DYNC2LI1: variants seen among roughly 807,000 people sequenced by gnomAD.
DYNC2LI1 encodes the protein dynein cytoplasmic 2 light intermediate chain 1.
DYNC2LI1 carries 45 observed loss-of-function variants against 51.9 expected under a neutral mutation model. That is an observed-to-expected ratio of 0.87 (90% CI 0.68 to 1.11). DYNC2LI1 has a LOEUF of 1.11. Ranked by LOEUF, DYNC2LI1 falls within the 50% of genes most tolerant of loss-of-function variation. DYNC2LI1 has a pLI of 0.00. For synonymous variants in DYNC2LI1, 130 were observed against 137.8 expected (o/e 0.94, Z 0.40); for missense variants, 490 against 417.4 (o/e 1.17, Z -1.51).
intron 12 of DYNC2LI1, among the ~76,000 whole-genome samples, chr2:43,808,873 G>T (rs1026621699): frequency 1.3e-5 from 2 of 152,054 alleles, no homozygotes; most frequent in African/African-American, 4.8e-5. Context: ...TGCTGAGACA[G>T]AGCAATGGGT....
At chr2:43,782,515 T>G (rs866475245) in intron 2 of DYNC2LI1, among the ~76,000 whole-genome samples, 1 of 151,382 alleles carries the variant, frequency 6.6e-6, no homozygotes, top group Non-Finnish European at 1.5e-5. Context: ...CTGTTTCTCT[T>G]TTATCTGTTT....
At chr2:43,826,667 A>G in the DYNC2LI1 span, 2 of 1,293,090 alleles carry the variant, frequency 1.5e-6, no homozygotes, top group South Asian at 1.2e-5. Context: ...ACTGGCTTTC[A>G]GCCTGAGCTC....
At chr2:43,776,945 T>C in intron 2 of DYNC2LI1, 46 bp downstream of exon 2, 1 of 987,790 alleles carries the variant, frequency 1.0e-6, no homozygotes, top group Non-Finnish European at 1.6e-6. Flanking sequence ...TAACAACCAT[T>C]GGTAAAATAT....
intron 8 of DYNC2LI1, among the ~76,000 whole-genome samples, chr2:43,800,062 A>G (rs957519047): frequency 2.0e-5 from 3 of 152,166 alleles, no homozygotes; most frequent in African/African-American, 7.2e-5. Flanking sequence ...ATTTCAGTTC[A>G]AAGTTGTTTT....
the DYNC2LI1 span, among the ~76,000 whole-genome samples, chr2:43,825,457 C>T: frequency 5.3e-5 from 8 of 152,028 alleles, no homozygotes; most frequent in African/African-American, 7.3e-5. Flanking sequence ...GGATACTGGG[C>T]GGAGAAAGTG....
intron 3 of DYNC2LI1, among the ~76,000 whole-genome samples, chr2:43,785,026 A>C (rs1353311646): frequency 5.3e-5 from 8 of 152,252 alleles, no homozygotes. Context: ...GACCGGGTGC[A>C]GTGGCTCATG....
chr2:43,792,572 C>A, intron 5 of DYNC2LI1: 1 of 1,180,642 alleles, frequency 8.5e-7, no homozygotes, highest in Non-Finnish European at 1.1e-6. Flanking sequence ...AGTTCAGTAA[C>A]ATCAAGTATA....
the DYNC2LI1 span, among the ~76,000 whole-genome samples, chr2:43,818,528 A>T: frequency 6.6e-6 from 1 of 152,228 alleles, no homozygotes. Flanking sequence ...GATCATCTGT[A>T]CATGAAATGG....
At chr2:43,822,847 G>A in the DYNC2LI1 span, 2 of 1,614,154 alleles carry the variant, frequency 1.2e-6, no homozygotes, top group Non-Finnish European at 8.5e-7. Flanking sequence ...TGAAGGGGAG[G>A]ACGTGCAGTG....
chr2:43,794,312 GT>G, intron 5 of DYNC2LI1, 144 bp from the exon 6 acceptor site: 2 of 889,162 alleles, frequency 2.2e-6, no homozygotes, highest in Non-Finnish European at 3.3e-6. Context: ...TTGGTTTTTT[GT>G]TTTTGGGAGT....
At chr2:43,826,606 A>T in the DYNC2LI1 span, 2 of 1,593,086 alleles carry the variant, frequency 1.3e-6, no homozygotes, top group Non-Finnish European at 1.7e-6. Context: ...ACTGTTCCTT[A>T]TTGAGTTTGT....
intron 2 of DYNC2LI1, among the ~76,000 whole-genome samples, chr2:43,780,277 CAG>C (rs1673217674): frequency 6.6e-6 from 1 of 152,108 alleles, no homozygotes; most frequent in African/African-American, 2.4e-5. Flanking sequence ...ATGGCAGAAG[CAG>C]AGTGAGGGAA....
chr2:43,776,854 T>C lies in DYNC2LI1; in HGVS notation c.81T>C (p.Ala27=). 6.2e-7 allele frequency: 1 copy of C among 1,605,148 alleles called. No individual in the cohort carries two copies. Among genetic ancestry groups the C allele is most frequent in the Non-Finnish European group, 8.5e-7 (1 of 1,175,964 alleles). ...RGINGSEGDG[A]EIAEKFVFFI... Reference sequence around the variant, plus strand: ...TTAATGGAAGTGAAGGTGATGGAGCTGAAATTGCAGAAAAATTTGTTTTCT... The same window carrying C: ...TTAATGGAAGTGAAGGTGATGGAGCCGAAATTGCAGAAAAATTTGTTTTCT... Residue 27 remains alanine (A), a synonymous_variant, in exon 2 of 13, where the codon GCT becomes GCC. Coordinates refer to ENST00000260605, the MANE Select transcript of DYNC2LI1 (RefSeq NM_016008.4).
the DYNC2LI1 span, chr2:43,824,050 A>T: frequency 6.2e-7 from 1 of 1,614,214 alleles, no homozygotes; most frequent in Non-Finnish European, 8.5e-7. Context: ...GAACAAACCC[A>T]TGATCAGATT....
At chr2:43,820,170 CTG>C in the DYNC2LI1 span, 1 of 1,527,366 alleles carries the variant, frequency 6.5e-7, no homozygotes, top group Non-Finnish European at 8.9e-7. Flanking sequence ...GCACTTGCCT[CTG>C]TGAATAAATC....
At chr2:43,814,706 T>A (rs765651055), downstream of DYNC2LI1, 127 of 631,174 alleles carry the variant, frequency 2.0e-4, no homozygotes, top group Non-Finnish European at 3.0e-4. Flanking sequence ...ATCTCCTTAT[T>A]ATAAAAATGA....
intron 8 of DYNC2LI1, among the ~76,000 whole-genome samples, chr2:43,800,438 C>T (rs1298443605): frequency 6.6e-6 from 1 of 152,138 alleles, no homozygotes; most frequent in Non-Finnish European, 1.5e-5. Context: ...TTGAGGTATA[C>T]CTCTTATTTT....
At chr2:43,785,769 TAATC>T (rs1404328253) in intron 3 of DYNC2LI1, among the ~76,000 whole-genome samples, 1 of 151,772 alleles carries the variant, frequency 6.6e-6, no homozygotes, top group Non-Finnish European at 1.5e-5. Flanking sequence ...ATATCTAAAA[TAATC>T]AAACTCAGAA....
At chr2:43,799,683 C>G (rs1192813448) in intron 8 of DYNC2LI1, among the ~76,000 whole-genome samples, 1 of 152,174 alleles carries the variant, frequency 6.6e-6, no homozygotes, top group African/African-American at 2.4e-5. Context: ...GTGATTGATG[C>G]AGCAGATGGA....
Sources: allele counts gnomAD v4.1 joint callset (sites outside exome capture counted in the v4.1 genomes callset), GRCh38; gene constraint gnomAD v4.1.1; transcripts MANE v1.5; gene names NCBI Gene and HGNC (gene_info 2026-07-23, HGNC 2026-07-21).